Variants in ATAD2B observed in about 807,000 individuals in gnomAD.
ATAD2B encodes the protein ATPase family AAA domain-containing protein 2B.
ATAD2B carries 40 observed loss-of-function variants against 167.6 expected under a neutral mutation model. The ratio of observed to expected loss-of-function variants is 0.24; its 90% CI spans 0.19 to 0.31. The LOEUF is 0.31. Among genes scored for constraint, ATAD2B ranks in the 10% least tolerant of loss-of-function variants. The probability of loss-of-function intolerance (pLI) is 1.00; values close to 1 mark genes in which losing one functional copy is unlikely to be tolerated. For synonymous variants in ATAD2B, 579 were observed against 596.5 expected, an observed-to-expected ratio of 0.97 and a Z score of 0.43; for missense variants, 1,242 against 1,757.2, an observed-to-expected ratio of 0.71 and a Z score of 5.24.
At chr2:23,756,976 T>G (rs1253515083) in intron 25 of ATAD2B, among the ~76,000 whole-genome samples, 2 of 152,164 alleles carry the variant, frequency 1.3e-5, no homozygotes, top group Admixed American at 1.3e-4. Context: ...GAGTGGTAAT[T>G]TAATCTAGGT....
intron 22 of ATAD2B, among the ~76,000 whole-genome samples, chr2:23,769,021 A>G (rs1348424065): frequency 6.6e-6 from 1 of 152,224 alleles, no homozygotes; most frequent in African/African-American, 2.4e-5. Flanking sequence ...TCCTTGGGTT[A>G]ATACTAAGGG....
intron 13 of ATAD2B, among the ~76,000 whole-genome samples, chr2:23,835,837 G>A (rs1399931963): frequency 6.6e-6 from 1 of 152,052 alleles, no homozygotes; most frequent in African/African-American, 2.4e-5. Context: ...TTGGAAGGCT[G>A]AGGCAGGAGA....
intron 17 of ATAD2B, among the ~76,000 whole-genome samples, chr2:23,819,009 T>C (rs1558593982): frequency 6.6e-6 from 1 of 152,194 alleles, no homozygotes; most frequent in Admixed American, 6.5e-5. Flanking sequence ...GAAATCTCTT[T>C]AGCAGCCTTA....
intron 8 of ATAD2B, chr2:23,872,664 TC>T: frequency 7.4e-7 from 1 of 1,346,968 alleles, no homozygotes; most frequent in Non-Finnish European, 1.1e-6. Context: ...TAGGAGAGCC[TC>T]CAGATCTTCA....
At chr2:23,825,067 CTGAG>C (rs2149676424) in intron 15 of ATAD2B, among the ~76,000 whole-genome samples, 1 of 151,032 alleles carries the variant, frequency 6.6e-6, no homozygotes, top group East Asian at 2.0e-4. Flanking sequence ...CCTCAGCCTG[CTGAG>C]TAGCTGAGAC....
At chr2:23,855,687 G>A (rs772996705) in intron 13 of ATAD2B, among the ~76,000 whole-genome samples, 3 of 152,218 alleles carry the variant, frequency 2.0e-5, no homozygotes, top group Non-Finnish European at 4.4e-5. Context: ...CTAGGTGTCA[G>A]AAACCAACCA....
intron 16 of ATAD2B, among the ~76,000 whole-genome samples, chr2:23,820,630 A>T: frequency 6.6e-6 from 1 of 152,254 alleles, no homozygotes; most frequent in Non-Finnish European, 1.5e-5. Flanking sequence ...TAAGATTAAG[A>T]GAAATCATAT....
the ATAD2B span, among the ~76,000 whole-genome samples, chr2:23,681,685 C>G: frequency 6.6e-6 from 1 of 152,172 alleles, no homozygotes; most frequent in Non-Finnish European, 1.5e-5. The surrounding 1 kb of genome is among the most constrained non-coding windows in gnomAD (Gnocchi z 4.2). Context: ...GGTGCTGGCC[C>G]AGGGTCACAC....
chr2:23,922,902 T>C (rs1002982218), intron 1 of ATAD2B, among the ~76,000 whole-genome samples: 1 of 152,064 alleles, frequency 6.6e-6, no homozygotes, highest in African/African-American at 2.4e-5. Flanking sequence ...CTGGTACATG[T>C]CAGTAGAAAT....
chr2:23,738,168 G>A, the ATAD2B span, among the ~76,000 whole-genome samples: 3 of 152,306 alleles, frequency 2.0e-5, no homozygotes, highest in African/African-American at 4.8e-5. Context: ...AGCAAGGCAG[G>A]CCAACATTCA....
In ATAD2B at chr2:23,861,838, C is replaced by T. The variant is rs908402459; in HGVS notation, c.1479+1543G>A. 5.7e-4 allele frequency among the ~76,000 whole-genome samples: 87 copies of T among 152,164 alleles called. 1 individual carries two copies. Among genetic ancestry groups the T allele is most frequent in the South Asian group, 2.1e-4 (1 of 4,834 alleles). Reference sequence around the variant, plus strand: ...TTGACTCGCCATTAGACACTGGACACGTTCAAGGTAAAAATCTTACCTACT... The same window carrying T: ...TTGACTCGCCATTAGACACTGGACATGTTCAAGGTAAAAATCTTACCTACT... On this transcript the variant is annotated intron_variant, in intron 12 of 27. Transcript: ENST00000238789.
At chr2:23,916,467 A>C (rs915971370) in intron 1 of ATAD2B, among the ~76,000 whole-genome samples, 3 of 152,198 alleles carry the variant, frequency 2.0e-5, no homozygotes, top group African/African-American at 7.2e-5. Context: ...TTTTAAAGTA[A>C]TTTCTAAATT....
chr2:23,727,452 C>A, the ATAD2B span, among the ~76,000 whole-genome samples: 3 of 152,174 alleles, frequency 2.0e-5, 1 homozygote, highest in Non-Finnish European at 4.4e-5. Context: ...CAAACAAGAA[C>A]ACTGTTGGTG....
intron 12 of ATAD2B, among the ~76,000 whole-genome samples, chr2:23,862,194 CAAA>C (rs762916583): frequency 1.7e-4 from 20 of 114,548 alleles, no homozygotes; most frequent in African/African-American, 6.1e-4. Flanking sequence ...GTGACCCTTT[CAAA>C]AAAAAAAAAA....
intron 13 of ATAD2B, among the ~76,000 whole-genome samples, chr2:23,843,904 C>G (rs1356990236): frequency 6.6e-6 from 1 of 152,126 alleles, no homozygotes; most frequent in Non-Finnish European, 1.5e-5. Flanking sequence ...GTCCTACACT[C>G]AGGGCTACTC....
the ATAD2B span, among the ~76,000 whole-genome samples, chr2:23,734,062 GA>G: frequency 1.3e-5 from 2 of 152,152 alleles, no homozygotes; most frequent in East Asian, 1.9e-4. Context: ...CCTCAGGGGG[GA>G]AAAAAGCCTT....
intron 18 of ATAD2B, among the ~76,000 whole-genome samples, chr2:23,805,792 C>CT (rs1558563479): frequency 1.9e-4 from 2 of 10,786 alleles, no homozygotes; most frequent in Non-Finnish European, 1.6e-4. Flanking sequence ...CATTATCAAG[C>CT]TTTAAAAAAA....
intron 15 of ATAD2B, 103 bp downstream of exon 15, chr2:23,828,746 C>A: frequency 1.4e-6 from 1 of 698,896 alleles, no homozygotes; most frequent in Non-Finnish European, 2.4e-6. Flanking sequence ...ATCTATTGCA[C>A]AATCAAAAAC....
chr2:23,688,645 C>G, the ATAD2B span: 1 of 152,000 alleles, frequency 6.6e-6, no homozygotes, highest in Non-Finnish European at 1.5e-5. Flanking sequence ...GGTCTTCTGA[C>G]AGACCCCATG....
Sources: gnomAD v4.1 joint callset for allele counts (sites outside exome capture counted in the v4.1 genomes callset) on GRCh38, gnomAD v4.1.1 for gene constraint, Gnocchi (gnomAD v3.1) non-coding constraint, MANE v1.5 for transcripts, NCBI Gene and HGNC (gene_info 2026-07-23, HGNC 2026-07-21) for gene names.